RFX4: variants seen among roughly 807,000 people sequenced by gnomAD.
RFX4 encodes regulatory factor X4.
A neutral mutation model predicts 95.0 loss-of-function variants in RFX4; 10 were observed. That is an observed-to-expected ratio of 0.11 (90% CI 0.06 to 0.18). The LOEUF (loss-of-function observed/expected upper bound fraction) is 0.18. RFX4 is among the 10% of genes least tolerant of loss of function. The pLI is 1.00. For synonymous variants in RFX4, 321 were observed against 340.7 expected (o/e 0.94, Z 0.64); for missense variants, 640 against 922.0 (o/e 0.69, Z 3.96).
chr12:106,708,133 T>TA (rs2042122108), intron 8 of RFX4, among the ~76,000 whole-genome samples: 1 of 152,026 alleles, frequency 6.6e-6, no homozygotes, highest in Non-Finnish European at 1.5e-5. Context: ...GACTGTCTCC[T>TA]AAAAAAACTG....
chr12:106,666,917 G>C (rs1263250515), intron 4 of RFX4, among the ~76,000 whole-genome samples: 1 of 151,642 alleles, frequency 6.6e-6, no homozygotes, highest in African/African-American at 2.4e-5. Context: ...GAGCCTTGCT[G>C]TTTCTTTAAA....
intron 4 of RFX4, among the ~76,000 whole-genome samples, chr12:106,657,364 C>A (rs1225502185): frequency 6.6e-6 from 1 of 152,166 alleles, no homozygotes; most frequent in African/African-American, 2.4e-5. Flanking sequence ...CTGAAGCTGT[C>A]CCCCAGGGAC....
chr12:106,726,438 C>A (rs1350244235), intron 13 of RFX4, among the ~76,000 whole-genome samples: 3 of 152,032 alleles, frequency 2.0e-5, no homozygotes, highest in Non-Finnish European at 4.4e-5. Flanking sequence ...TGATTGTATT[C>A]TTTTAGTAAT....
At chr12:106,654,433 AT>A (rs938582810) in intron 4 of RFX4, 82 bp downstream of exon 4, 92 of 1,475,280 alleles carry the variant, frequency 6.2e-5, no homozygotes, top group East Asian at 2.2e-4. Context: ...CATTTTAGTT[AT>A]TTTTTTTAAG....
At chr12:106,612,999 T>A (rs2039993669) in intron 2 of RFX4, among the ~76,000 whole-genome samples, 1 of 152,086 alleles carries the variant, frequency 6.6e-6, no homozygotes, top group Admixed American at 6.5e-5. Context: ...CTTGTCTTGT[T>A]CCTGATTCTA....
intron 16 of RFX4, among the ~76,000 whole-genome samples, chr12:106,749,492 A>C (rs546067549): frequency 6.6e-6 from 1 of 152,278 alleles, no homozygotes; most frequent in African/African-American, 2.4e-5. Flanking sequence ...TGAGCAGTCA[A>C]TCGGGCAACC....
At position 106,586,652 on chromosome 12, in the gene RFX4, G is replaced by C. The variant is rs2039462408; in HGVS notation, c.43+3289G>C. Among the ~76,000 whole-genome samples, 2 of 152,160 alleles carry C rather than the reference G, an allele frequency of 1.3e-5. No homozygotes were observed. Among genetic ancestry groups the C allele is most frequent in the Admixed American group, 1.3e-4 (2 of 15,282 alleles). On this transcript the variant is annotated intron_variant, in intron 1 of 17. Coordinates refer to ENST00000392842, the MANE Select transcript of RFX4 (RefSeq NM_213594.3). The surrounding 1 kb of genome is among the most constrained non-coding windows in gnomAD (Gnocchi z 5.6). ...GCGGCCAAAGTACTTCCTGGAGCCG[G>C]ATTTGAGTTCCCCGGGCCGCATCGG...
intron 1 of RFX4, among the ~76,000 whole-genome samples, chr12:106,592,155 C>T (rs2039556902): frequency 6.6e-6 from 1 of 151,660 alleles, no homozygotes; most frequent in Non-Finnish European, 1.5e-5. Context: ...ATTATCTGGC[C>T]TTCCTATACT....
intron 2 of RFX4, among the ~76,000 whole-genome samples, chr12:106,628,827 T>G (rs928960272): frequency 4.7e-5 from 7 of 150,512 alleles, no homozygotes; most frequent in African/African-American, 1.7e-4. Context: ...TGGTGCCATC[T>G]CGGCTCACTG....
intron 2 of RFX4, among the ~76,000 whole-genome samples, chr12:106,612,976 G>A (rs1427413804): frequency 6.6e-6 from 1 of 152,050 alleles, no homozygotes; most frequent in Non-Finnish European, 1.5e-5. Context: ...TAGAAGTGGT[G>A]AATGCAGGCA....
intron 4 of RFX4, among the ~76,000 whole-genome samples, chr12:106,661,480 C>T (rs1054383011): frequency 6.6e-6 from 1 of 152,212 alleles, no homozygotes; most frequent in African/African-American, 2.4e-5. Context: ...CCAGCCTCCC[C>T]CATTAACAAC....
intron 3 of RFX4, among the ~76,000 whole-genome samples, chr12:106,644,324 C>G (rs935358073): frequency 2.0e-5 from 3 of 147,260 alleles, no homozygotes; most frequent in Non-Finnish European, 4.5e-5. Context: ...ACTTCCACCT[C>G]CCAGGTTCAA....
chr12:106,623,085 C>A (rs1396292588), intron 2 of RFX4, among the ~76,000 whole-genome samples: 1 of 142,752 alleles, frequency 7.0e-6, no homozygotes, highest in African/African-American at 2.7e-5. Flanking sequence ...GTCACCCAGG[C>A]TGGAGTGCAG....
rs554569163 is a variant in RFX4 at position 106,586,484 on chromosome 12, G to A, written c.43+3121G>A. 4.5e-3 allele frequency among the ~76,000 whole-genome samples: 678 copies of A among 151,628 alleles called. 4 individuals carry two copies. Among genetic ancestry groups the A allele is most frequent in the African/African-American group, 0.016 (655 of 41,364 alleles). The stretch of plus-strand genomic sequence containing the variant: ...ACCGAGAACTTGTGCAAAGTGGGCC[G>A]GGCCGGGTCGGTCGCCTACGCAACA... On this transcript the variant is annotated intron_variant, in intron 1 of 17. Coordinates refer to ENST00000392842, the MANE Select transcript of RFX4 (RefSeq NM_213594.3). The surrounding 1 kb of genome is among the most constrained non-coding windows in gnomAD (Gnocchi z 5.6).
At chr12:106,752,590 C>T (rs896658218) in intron 17 of RFX4, among the ~76,000 whole-genome samples, 2 of 152,168 alleles carry the variant, frequency 1.3e-5, no homozygotes, top group African/African-American at 2.4e-5. Flanking sequence ...GGTGCAGACC[C>T]TCATGGAGTC....
At chr12:106,588,933 T>G (rs894509445) in intron 1 of RFX4, among the ~76,000 whole-genome samples, 1 of 152,188 alleles carries the variant, frequency 6.6e-6, no homozygotes, top group African/African-American at 2.4e-5. Flanking sequence ...CCAAAAAGGC[T>G]GAGAAGATAT....
At position 106,608,776 on chromosome 12, in the gene RFX4, CTTTCT is replaced by C. The variant is rs746412072; in HGVS notation, c.44-17_44-13del. The C allele has an allele frequency of 2.7e-5, 41 of 1,505,020 alleles. No homozygotes were observed. Among genetic ancestry groups the C allele is most frequent in the Admixed American group, 6.2e-5 (3 of 48,238 alleles). 93.2% of individuals were successfully genotyped at this position (1,505,020 alleles called of 1,614,324 possible). A position where few individuals can be genotyped will look rare whatever the true frequency, so the allele number is the denominator to read the frequency against. ...TTTTTTCTTTTTCTTTTCTTTCTTT[CTTTCT>C]TTTTTTTTTTTTTAGAGAGCTGGAT... On this transcript the variant is annotated splice_polypyrimidine_tract_variant and intron_variant, in intron 1 of 17. Transcript: ENST00000392842.
chr12:106,665,691 A>T (rs970514338), intron 4 of RFX4, among the ~76,000 whole-genome samples: 4 of 151,934 alleles, frequency 2.6e-5, no homozygotes, highest in African/African-American at 9.7e-5. Context: ...TGGCCTTCCT[A>T]TAATTTGCAA....
At chr12:106,639,240 A>T (rs2040570477) in intron 2 of RFX4, 92 bp from the exon 3 acceptor site, 1 of 1,059,144 alleles carries the variant, frequency 9.4e-7, no homozygotes, top group African/African-American at 1.6e-5. Flanking sequence ...TCAAAGAAAC[A>T]TAGTCTTTTG....
Sources: gnomAD v4.1 joint callset for allele counts (sites outside exome capture counted in the v4.1 genomes callset) on GRCh38, gnomAD v4.1.1 for gene constraint, Gnocchi (gnomAD v3.1) non-coding constraint, MANE v1.5 for transcripts, NCBI Gene and HGNC (gene_info 2026-07-23, HGNC 2026-07-21) for gene names.